The following ERC1 variants were observed in gnomAD, a reference collection of about 807,000 sequenced individuals.
ERC1 encodes RAB6 interacting protein 2.
A neutral mutation model predicts 132.0 loss-of-function variants in ERC1; 56 were observed. The observed-to-expected ratio is 0.42, with a 90% confidence interval of 0.34 to 0.53. ERC1 has a LOEUF of 0.53. ERC1 is among the 20% of genes least tolerant of loss of function. The pLI is 0.03. For synonymous variants in ERC1, 478 were observed against 476.1 expected (o/e 1.00, Z -0.05); for missense variants, 1,202 against 1,349.9 (o/e 0.89, Z 1.72).
At chr12:999,621 T>TTC (rs1961750967) in intron 1 of ERC1, among the ~76,000 whole-genome samples, 1 of 148,308 alleles carries the variant, frequency 6.7e-6, no homozygotes, top group Admixed American at 6.7e-5. Flanking sequence ...TTTTTTTTTT[T>TTC]TTTTTTTTTG....
intron 1 of ERC1, among the ~76,000 whole-genome samples, chr12:1,008,152 A>G (rs915078055): frequency 2.6e-5 from 4 of 152,244 alleles, no homozygotes; most frequent in Non-Finnish European, 5.9e-5. Flanking sequence ...TCACCCAGTC[A>G]TCAGGTATAG....
rs190099811 is a variant in ERC1, at chr12:1,261,616, A to C, written c.2488-1418A>C. ...AACCCTCCACTGTACTGTGCTGCTCATGGCAAGTCAACAGAGGGAAGGAAG... is the reference window on the plus strand; with the variant it reads ...AACCCTCCACTGTACTGTGCTGCTCCTGGCAAGTCAACAGAGGGAAGGAAG... On this transcript the variant is annotated intron_variant, in intron 13 of 18. Transcript: ENST00000360905. 5.8e-4 allele frequency among the ~76,000 whole-genome samples: 89 copies of C among 152,268 alleles called. 2 individuals carry two copies. The highest frequency in any genetic ancestry group is 3.4e-3 in the Middle Eastern group (1 of 294).
At chr12:1,458,719 G>C (rs1405215484) in intron 18 of ERC1, among the ~76,000 whole-genome samples, 1 of 151,994 alleles carries the variant, frequency 6.6e-6, no homozygotes, top group Admixed American at 6.5e-5. Context: ...TGTATTTTTA[G>C]TAGAGACAGG....
intron 18 of ERC1, among the ~76,000 whole-genome samples, chr12:1,472,750 C>T (rs2093888857): frequency 6.6e-6 from 1 of 151,792 alleles, no homozygotes; most frequent in Non-Finnish European, 1.5e-5. Context: ...ATCTAGCTAC[C>T]CTAAGGCATA....
chr12:1,214,428 G>A (rs2154292057), intron 12 of ERC1, among the ~76,000 whole-genome samples: 1 of 152,194 alleles, frequency 6.6e-6, no homozygotes, highest in East Asian at 1.9e-4. Context: ...TATATAATAA[G>A]TACTTGTAAG....
chr12:1,448,949 A>G (rs1446203869), intron 18 of ERC1, among the ~76,000 whole-genome samples: 1 of 152,240 alleles, frequency 6.6e-6, no homozygotes, highest in Non-Finnish European at 1.5e-5. Context: ...CTGCAGAGCC[A>G]CAGGGGCAGA....
At chr12:1,075,410 T>C (rs915160375) in intron 2 of ERC1, among the ~76,000 whole-genome samples, 1 of 152,308 alleles carries the variant, frequency 6.6e-6, no homozygotes, top group Non-Finnish European at 1.5e-5. Flanking sequence ...TTAAGAAAAT[T>C]GTCTGGGTGT....
Position 1,083,175 on chromosome 12 carries a change from G to T in ERC1, c.681G>T (p.Met227Ile), listed in dbSNP as rs764072665. The change falls in exon 3 of 19, where the codon ATG (methionine) becomes ATT (isoleucine). Residue 227 changes from methionine to isoleucine, a missense_variant. By Grantham distance (10) the Met-to-Ile change is conservative. Coordinates refer to ENST00000360905, the MANE Select transcript of ERC1 (RefSeq NM_178040.4). The stretch of plus-strand genomic sequence containing the variant: ...TGTCTTGGTTCTAGCACATGCAGAT[G>T]ACAATCCAGGCTCTCCAGGATGAAT... ...VVQEENQHMQ[M>I]TIQALQDELR... 3 of 1,612,282 alleles carry T rather than the reference G, an allele frequency of 1.9e-6. No individual in the cohort carries two copies. The South Asian group carries it at 3.3e-5, about 18-fold the overall frequency.
At position 1,341,388 on chromosome 12, in the gene ERC1, G is replaced by A. The variant is rs532809948; in HGVS notation, c.2781-30445G>A. On this transcript the variant is annotated intron_variant, in intron 15 of 18. Coordinates refer to ENST00000360905, the MANE Select transcript of ERC1 (RefSeq NM_178040.4). The stretch of plus-strand genomic sequence containing the variant: ...ATATGTTTATTTCGGCACTATTCAC[G>A]ATAGCAAAGACTTGGAACCAACCCA... Among the ~76,000 whole-genome samples, 155 of 151,956 alleles carry A rather than the reference G, an allele frequency of 1.0e-3. 1 individual carries two copies. The highest frequency in any genetic ancestry group is 3.5e-3 in the African/African-American group (143 of 41,436).
intron 12 of ERC1, among the ~76,000 whole-genome samples, chr12:1,202,469 G>A (rs1311719259): frequency 1.3e-5 from 2 of 152,040 alleles, no homozygotes; most frequent in African/African-American, 2.4e-5. Flanking sequence ...ACCAGCTTAG[G>A]CAAGTGGCGA....
intron 12 of ERC1, among the ~76,000 whole-genome samples, chr12:1,214,665 T>TACACAC (rs59137347): frequency 0.013 from 1,573 of 119,056 alleles, 14 homozygotes; most frequent in African/African-American, 0.023. Context: ...TGTGTATACA[T>TACACAC]ACACACACAC....
chr12:1,405,548 C>G (rs1306142547), intron 16 of ERC1, among the ~76,000 whole-genome samples: 1 of 151,582 alleles, frequency 6.6e-6, no homozygotes, highest in Non-Finnish European at 1.5e-5. Context: ...GTTAAAAATA[C>G]AAAAAATAGC....
At chr12:1,123,021 T>C (rs1947754782) in intron 7 of ERC1, among the ~76,000 whole-genome samples, 1 of 152,004 alleles carries the variant, frequency 6.6e-6, no homozygotes, top group African/African-American at 2.4e-5. Context: ...CCACAACCAC[T>C]CCCCCAGCTC....
rs190061497 is a variant in ERC1 at position 1,003,640 on chromosome 12, C to A, written c.-157+12318C>A. ...GTCTTTTCCCATCTCAAAGGGAAAT[C>A]TTTCAACTTTTCATTGTTAGGCATG... On this transcript the variant is annotated intron_variant, in intron 1 of 18. Coordinates refer to ENST00000360905, the MANE Select transcript of ERC1 (RefSeq NM_178040.4). 1.2e-3 allele frequency among the ~76,000 whole-genome samples: 183 copies of A among 152,314 alleles called. 2 individuals carry two copies. Among genetic ancestry groups the A allele is most frequent in the Non-Finnish European group, 3.4e-4 (23 of 68,032 alleles).
At chr12:1,112,888 G>A (rs1417188358) in intron 6 of ERC1, among the ~76,000 whole-genome samples, 1 of 152,078 alleles carries the variant, frequency 6.6e-6, no homozygotes, top group East Asian at 1.9e-4. Context: ...TTTCAATTCA[G>A]AACATAATAA....
chr12:1,317,400 G>A (rs1048251509), intron 15 of ERC1, among the ~76,000 whole-genome samples: 32 of 152,126 alleles, frequency 2.1e-4, no homozygotes, highest in Non-Finnish European at 3.4e-4. Flanking sequence ...ACGGCCTGTC[G>A]GGGGATCAGG....
intron 16 of ERC1, among the ~76,000 whole-genome samples, chr12:1,394,171 C>A (rs182084811): frequency 1.3e-5 from 2 of 151,646 alleles, no homozygotes; most frequent in Non-Finnish European, 2.9e-5. Flanking sequence ...GAGGCCAAGG[C>A]GGGCAGATCA....
intron 8 of ERC1, among the ~76,000 whole-genome samples, chr12:1,160,705 T>C (rs1951806742): frequency 6.6e-6 from 1 of 151,874 alleles, no homozygotes; most frequent in African/African-American, 2.4e-5. Context: ...AACAAGACTC[T>C]GCCAAAAAAA....
At chr12:1,288,894 C>T (rs2079215267) in intron 14 of ERC1, among the ~76,000 whole-genome samples, 1 of 152,046 alleles carries the variant, frequency 6.6e-6, no homozygotes, top group Non-Finnish European at 1.5e-5. Context: ...TGGTAGCCAC[C>T]TGGAATAAGT....
Sources: gnomAD v4.1 joint callset for allele counts (sites outside exome capture counted in the v4.1 genomes callset) on GRCh38, gnomAD v4.1.1 for gene constraint, MANE v1.5 for transcripts, NCBI Gene and HGNC (gene_info 2026-07-23, HGNC 2026-07-21) for gene names.